The following PLXNA1 variants were observed in gnomAD, a reference collection of about 807,000 sequenced individuals.
PLXNA1 encodes plexin-A1.
PLXNA1 carries 77 observed loss-of-function variants against 191.7 expected under a neutral mutation model. The ratio of observed to expected loss-of-function variants is 0.40; its 90% CI spans 0.33 to 0.49. The LOEUF (loss-of-function observed/expected upper bound fraction) is 0.49, where lower values mean the gene tolerates loss of function less well. Ranked by LOEUF, PLXNA1 falls within the 20% of genes least tolerant of loss-of-function variation. The pLI, the probability that PLXNA1 is intolerant of heterozygous loss-of-function variation, is 0.63. For missense variants in PLXNA1, 2,110 were observed against 2,660.2 expected (o/e 0.79, Z 4.55); for synonymous variants, 1,137 against 1,156.4 (o/e 0.98, Z 0.34).
At position 127,014,759 on chromosome 3, in the gene PLXNA1, C is replaced by T; in HGVS notation, c.2805C>T (p.Ala935=). 2 of 1,612,630 alleles carry T rather than the reference C, an allele frequency of 1.2e-6. No homozygotes were observed. The highest frequency in any genetic ancestry group is 1.7e-6 in the Non-Finnish European group (2 of 1,179,884). ...GDASSVRAHD[A]LVEVCVRDCS... ...CCAGCTCCGTGCGTGCCCATGACGC[C>T]CTGGTGGAGGTGTGTGTGCGGGACT... is the stretch of plus-strand genomic sequence containing the variant. Residue 935 remains alanine (A), a synonymous_variant, in exon 14 of 32, where the codon GCC becomes GCT. Coordinates refer to ENST00000393409, the MANE Select transcript of PLXNA1 (RefSeq NM_032242.4).
At chr3:127,030,520 G>C in intron 29 of PLXNA1, 108 bp downstream of exon 29, 3 of 1,363,504 alleles carry the variant, frequency 2.2e-6, no homozygotes, top group Non-Finnish European at 3.0e-6. Flanking sequence ...GCTCCCTGGC[G>C]TGGGGACACA....
intron 9 of PLXNA1, among the ~76,000 whole-genome samples, chr3:127,011,621 C>A (rs929642830): frequency 6.6e-6 from 1 of 152,296 alleles, no homozygotes; most frequent in East Asian, 1.9e-4. Context: ...ACTCCCTGGG[C>A]CCCCAGCGCA....
intron 24 of PLXNA1, 46 bp downstream of exon 24, chr3:127,028,132 C>T (rs1449220837): frequency 1.9e-6 from 3 of 1,613,234 alleles, no homozygotes; most frequent in African/African-American, 1.3e-5. Flanking sequence ...TGCCCCCCAC[C>T]CCCCAGTTGT....
chr3:127,032,822 A>G lies in PLXNA1; in HGVS notation c.5581A>G (p.Lys1861Glu). The G allele has an allele frequency of 6.2e-7, 1 of 1,613,046 alleles. No individual in the cohort carries two copies. Among genetic ancestry groups the G allele is most frequent in the Non-Finnish European group, 8.5e-7 (1 of 1,179,962 alleles). Reference protein sequence around the residue: ...ALHEIYSYITKYKDEILAALE... With the variant: ...ALHEIYSYITEYKDEILAALE... ...GCACGAGATCTACTCCTACATCACC[A>G]AGTACAAGGATGAGGTGAACACCGT... is the stretch of plus-strand genomic sequence containing the variant. The change falls in exon 31 of 32, where the codon AAG becomes GAG. Residue 1861 changes from lysine to glutamate, a missense_variant. This residue lies in a region of PLXNA1 where 559 missense variants were observed against 911.5 expected (regional missense o/e 0.61). Transcript: ENST00000393409.
chr3:127,004,225 C>T (rs563412035), intron 4 of PLXNA1, among the ~76,000 whole-genome samples: 4 of 152,246 alleles, frequency 2.6e-5, no homozygotes, highest in Non-Finnish European at 5.9e-5. Context: ...GGGGCCCAGC[C>T]TGCCCCTCTG....
At chr3:127,029,739 C>G (rs754539183) in intron 27 of PLXNA1, 135 bp from the exon 28 acceptor site, 1 of 1,153,314 alleles carries the variant, frequency 8.7e-7, no homozygotes, top group Non-Finnish European at 1.2e-6. Context: ...ATTATGCCAC[C>G]TCTGTGGTGT....
chr3:126,984,623 G>A (rs1398739381), intron 1 of PLXNA1, among the ~76,000 whole-genome samples: 3 of 151,642 alleles, frequency 2.0e-5, no homozygotes, highest in African/African-American at 7.3e-5. Flanking sequence ...CCATTCCTGG[G>A]GGGTGCCAGT....
Position 126,989,191 on chromosome 3 carries a change from A to T in PLXNA1, c.598A>T (p.Thr200Ser). Residue 200 changes from threonine to serine, a missense_variant, in exon 2 of 32, where the codon ACA becomes TCA. This residue lies in a region of PLXNA1 where 903 missense variants were observed against 1,015.7 expected (regional missense o/e 0.89). Coordinates refer to ENST00000393409, the MANE Select transcript of PLXNA1 (RefSeq NM_032242.4). ...PIDGKSEYFP[T>S]LSSRRLMANE... ...CGATGGCAAGTCCGAGTACTTCCCC[A>T]CACTGTCCAGCCGTCGGCTCATGGC... 2 of 1,613,562 alleles carry T rather than the reference A, an allele frequency of 1.2e-6. No individual in the cohort carries two copies. Among genetic ancestry groups the T allele is most frequent in the Non-Finnish European group, 1.7e-6 (2 of 1,180,034 alleles).
At chr3:126,994,909 G>T (rs1417633068) in intron 3 of PLXNA1, among the ~76,000 whole-genome samples, 1 of 152,092 alleles carries the variant, frequency 6.6e-6, no homozygotes, top group Non-Finnish European at 1.5e-5. Context: ...GCCTGGCTGT[G>T]CTCTCAGAGC....
At position 126,988,665 on chromosome 3, in the gene PLXNA1, G is replaced by A; in HGVS notation, c.72G>A (p.Met24Ile). The A allele has an allele frequency of 6.3e-7, 1 of 1,579,456 alleles. No individual in the cohort carries two copies. Among genetic ancestry groups the A allele is most frequent in the South Asian group, 1.2e-5 (1 of 85,086 alleles). Residue 24 changes from methionine (M) to isoleucine (I), a missense_variant, in exon 2 of 32, where the codon ATG (methionine) becomes ATA (isoleucine). Coordinates refer to ENST00000393409, the MANE Select transcript of PLXNA1 (RefSeq NM_032242.4). The part of the protein sequence containing the change: ...LLLLLLLLPG[M>I]WAEAGLPRAG... Reference sequence around the variant, plus strand: ...TGTTGCTGCTGCTGCTGCCGGGCATGTGGGCTGAGGCAGGCTTGCCCAGGG... The same window carrying A: ...TGTTGCTGCTGCTGCTGCCGGGCATATGGGCTGAGGCAGGCTTGCCCAGGG...
At chr3:126,998,291 C>A (rs2079023961) in intron 3 of PLXNA1, among the ~76,000 whole-genome samples, 1 of 152,130 alleles carries the variant, frequency 6.6e-6, no homozygotes, top group Admixed American at 6.5e-5. Flanking sequence ...TCTTTGAGGG[C>A]CCAGGGCCAT....
intron 3 of PLXNA1, among the ~76,000 whole-genome samples, chr3:126,992,683 T>C (rs2078996578): frequency 6.6e-6 from 1 of 151,988 alleles, no homozygotes; most frequent in Non-Finnish European, 1.5e-5. Flanking sequence ...CTGCTGATTG[T>C]AGGCCCCCCA....
At chr3:127,030,202 G>A (rs376773495) in intron 28 of PLXNA1, 41 bp from the exon 29 acceptor site, 2 of 1,603,326 alleles carry the variant, frequency 1.2e-6, no homozygotes, top group Non-Finnish European at 1.7e-6. Flanking sequence ...AGGCAGCCAG[G>A]CAGCGCCCTG....
At chr3:126,997,990 G>T (rs2079022396) in intron 3 of PLXNA1, among the ~76,000 whole-genome samples, 1 of 152,190 alleles carries the variant, frequency 6.6e-6, no homozygotes, top group Non-Finnish European at 1.5e-5. Flanking sequence ...CAGGCACATG[G>T]GGCCTGTGGT....
At chr3:127,013,233 A>C (rs908533522) in intron 10 of PLXNA1, among the ~76,000 whole-genome samples, 81 of 152,200 alleles carry the variant, frequency 5.3e-4, no homozygotes, top group African/African-American at 1.8e-3. Flanking sequence ...CCTGCCCTGC[A>C]CTTTCCACCT....
chr3:127,026,020 A>T (rs2079174921), intron 23 of PLXNA1, among the ~76,000 whole-genome samples: 1 of 152,196 alleles, frequency 6.6e-6, no homozygotes, highest in Non-Finnish European at 1.5e-5. Context: ...AATGTCATTT[A>T]TTGAACTGCC....
At position 127,030,428 on chromosome 3, in the gene PLXNA1, G is replaced by A. The variant is rs1242915374; in HGVS notation, c.5231+16G>A. The A allele has an allele frequency of 1.9e-6, 3 of 1,612,778 alleles. No individual in the cohort carries two copies. Among genetic ancestry groups the A allele is most frequent in the African/African-American group, 2.7e-5 (2 of 74,936 alleles). Reference sequence around the variant, plus strand: ...AGAGCAACTGGTAATGCAGGGCAGGGGGAGGAGGGGCATCCCCCAGGGCCA... The same window carrying A: ...AGAGCAACTGGTAATGCAGGGCAGGAGGAGGAGGGGCATCCCCCAGGGCCA... On this transcript the variant is annotated intron_variant, in intron 29 of 31. Coordinates refer to ENST00000393409, the MANE Select transcript of PLXNA1 (RefSeq NM_032242.4).
rs974839975 is a variant in PLXNA1 at position 126,988,538 on chromosome 3, C to G, written c.-56C>G. 5.0e-6 allele frequency: 7 copies of G among 1,411,212 alleles called. No homozygotes were observed. The African/African-American group carries it at 1.0e-4, about 20-fold the overall frequency. 87.4% of individuals were successfully genotyped at this position (1,411,212 alleles called of 1,614,324 possible). On this transcript the variant is annotated 5_prime_UTR_variant, in exon 2 of 32. Coordinates refer to ENST00000393409, the MANE Select transcript of PLXNA1 (RefSeq NM_032242.4). ...TTCCCCAGGGCTGAAGCTCCTGGCA[C>G]CATGATGCTCACCCCAGCAGGACCA...
In PLXNA1 at chr3:127,007,954, G is replaced by GT. The variant is rs775930448; in HGVS notation, c.2112+41_2112+42insT. 188 of 1,403,074 alleles carry GT rather than the reference G, an allele frequency of 1.3e-4. 4 individuals carry two copies. In the South Asian group the frequency reaches 2.0e-3, roughly 15 times the overall value. 86.9% of individuals were successfully genotyped at this position (1,403,074 alleles called of 1,614,324 possible). On this transcript the variant is annotated intron_variant, in intron 9 of 31. Transcript: ENST00000393409. ...GGTGAGGGTCAGGTTTTCAGAGGTG[G>GT]AGCAGAACTGGGTTGAGACATCCCA...
Sources: allele counts gnomAD v4.1 joint callset (sites outside exome capture counted in the v4.1 genomes callset), GRCh38; gene constraint gnomAD v4.1.1; regional missense constraint gnomAD v4.1.1; transcripts MANE v1.5; gene names NCBI Gene and HGNC (gene_info 2026-07-23, HGNC 2026-07-21).